The following TG variants were observed in gnomAD, a reference collection of about 807,000 sequenced individuals.
TG encodes thyroglobulin, also known as thyroid hormones.
A neutral mutation model predicts 324.7 loss-of-function variants in TG; 270 were observed. The observed-to-expected ratio is 0.83, with a 90% CI of 0.75 to 0.92. TG has a LOEUF of 0.92. Among genes scored for constraint, TG ranks in the 40% least tolerant of loss-of-function variants. The pLI is 0.00. For missense variants in TG, 3,591 were observed against 3,456.4 expected, an observed-to-expected ratio of 1.04 and a Z score of -0.98; for synonymous variants, 1,401 against 1,327.0, an observed-to-expected ratio of 1.06 and a Z score of -1.21.
At chr8:133,103,388 C>T (rs1380388135) in intron 43 of TG, among the ~76,000 whole-genome samples, 1 of 152,156 alleles carries the variant, frequency 6.6e-6, no homozygotes, top group African/African-American at 2.4e-5. Context: ...GCTATAGCCC[C>T]ACATTACCCC....
At chr8:132,903,387 G>A (rs1327768808) in intron 16 of TG, among the ~76,000 whole-genome samples, 1 of 152,224 alleles carries the variant, frequency 6.6e-6, no homozygotes, top group Non-Finnish European at 1.5e-5. Flanking sequence ...GGCCTGGCAG[G>A]CCACTCCTGC....
At chr8:133,131,327 TA>T (rs1382695069) in intron 45 of TG, among the ~76,000 whole-genome samples, 1 of 152,228 alleles carries the variant, frequency 6.6e-6, no homozygotes, top group African/African-American at 2.4e-5. Context: ...ATTTGCCAGG[TA>T]CTGTGCTGCG....
rs541360626 is a variant in TG, at chr8:133,100,288, G to A, written c.7572+3915G>A. 3.3e-5 allele frequency among the ~76,000 whole-genome samples: 5 copies of A among 152,288 alleles called. No individual in the cohort carries two copies. The East Asian group carries it at 9.6e-4, about 29-fold the overall frequency. On this transcript the variant is annotated intron_variant, in intron 43 of 47. Transcript: ENST00000220616. ...CTTGACCACTTGGATTCAGAGGGAA[G>A]CCATATCCCCAGCCTTCTCTATCCC...
intron 10 of TG, among the ~76,000 whole-genome samples, chr8:132,892,216 C>G (rs1388553957): frequency 6.6e-6 from 1 of 152,184 alleles, no homozygotes; most frequent in African/African-American, 2.4e-5. Flanking sequence ...CTTTTGATAT[C>G]CATCCATCCA....
intron 1 of TG, among the ~76,000 whole-genome samples, chr8:132,867,522 T>TG (rs1290941197): frequency 0.021 from 2,661 of 127,658 alleles, 79 homozygotes; most frequent in African/African-American, 0.072. Context: ...GCCAAGCTTC[T>TG]GTTTTTTTTT....
rs763921684 is a variant in TG, at chr8:132,941,524, C to T, written c.5215C>T (p.Leu1739Phe). 7 of 1,614,198 alleles carry T rather than the reference C, an allele frequency of 4.3e-6. No homozygotes were observed. In the South Asian group the frequency reaches 7.7e-5, roughly 18 times the overall value. The change falls in exon 26 of 48, where the codon CTC (leucine) becomes TTC (phenylalanine). Residue 1739 changes from leucine (L) to phenylalanine (F), a missense_variant. Leu to Phe is a conservative substitution (Grantham distance 22). Transcript: ENST00000220616. Reference sequence around the variant, plus strand: ...TGATCTGTGTTGCGATGGCTTCGTCCTCACACAGGTTCAAGGAGGTAATGT... The same window carrying T: ...TGATCTGTGTTGCGATGGCTTCGTCTTCACACAGGTTCAAGGAGGTAATGT... Reference protein sequence around the residue: ...DRDLCCDGFVLTQVQGGAIIC... With the variant: ...DRDLCCDGFVFTQVQGGAIIC...
chr8:132,972,569 GTTTTTTGTTT>G lies in TG; in HGVS notation c.6056-22_6056-13del. On this transcript the variant is annotated intron_variant, in intron 33 of 47. Coordinates refer to ENST00000220616, the MANE Select transcript of TG (RefSeq NM_003235.5). ...CATTGTACTCAGTTTCCTGATTGTGGTTTTTTGTTTTTTTTTTTTCCACCCCAGGAGGAGA... is the reference window on the plus strand; with the variant it reads ...CATTGTACTCAGTTTCCTGATTGTGGTTTTTTTTTCCACCCCAGGAGGAGA... 6.9e-7 allele frequency: 1 copy of G among 1,457,946 alleles called. No individual in the cohort carries two copies. The highest frequency in any genetic ancestry group is 9.4e-7 in the Non-Finnish European group (1 of 1,064,854). The allele number at this position is 1,457,946 out of a possible 1,614,324, so 90.3% of individuals were successfully genotyped here.
intron 26 of TG, 86 bp downstream of exon 26, chr8:132,941,628 C>T: frequency 6.6e-7 from 1 of 1,510,268 alleles, no homozygotes; most frequent in South Asian, 1.1e-5. Context: ...CATGGAGCTG[C>T]ATGGGGAGTA....
intron 42 of TG, 93 bp downstream of exon 42, chr8:133,095,301 C>A: frequency 6.4e-7 from 1 of 1,555,264 alleles, no homozygotes; most frequent in Non-Finnish European, 8.9e-7. Flanking sequence ...CCCACCCCAG[C>A]CATACCACAC....
chr8:133,083,916 C>T (rs1439984260), intron 41 of TG, among the ~76,000 whole-genome samples: 1 of 152,184 alleles, frequency 6.6e-6, no homozygotes, highest in Non-Finnish European at 1.5e-5. Flanking sequence ...GCTCCCCTCT[C>T]TCTGCATGGA....
At position 132,893,779 on chromosome 8, in the gene TG, T is replaced by G. The variant is rs896007569; in HGVS notation, c.2851T>G (p.Phe951Val). 5 of 1,613,882 alleles carry G rather than the reference T, an allele frequency of 3.1e-6. No individual in the cohort carries two copies. The African/African-American group carries it at 6.7e-5, about 22-fold the overall frequency. ...EIVSASNSSR[F>V]PLGESFLVAK... ...TGTTTCAGCTTCCAACAGTTCTCGG[T>G]TCCCTCTGGGGGAGAGTTTCCTGGT... Residue 951 changes from phenylalanine (F) to valine (V), a missense_variant, in exon 11 of 48, where the codon TTC becomes GTC. Phe to Val is a conservative substitution (Grantham distance 50). Transcript: ENST00000220616.
At chr8:133,102,210 C>T (rs182681865) in intron 43 of TG, among the ~76,000 whole-genome samples, 2 of 152,322 alleles carry the variant, frequency 1.3e-5, no homozygotes, top group African/African-American at 4.8e-5. Context: ...TCTGAACCAC[C>T]TCAGCTGACC....
At chr8:133,095,754 C>T (rs1357634597) in intron 42 of TG, among the ~76,000 whole-genome samples, 2 of 152,202 alleles carry the variant, frequency 1.3e-5, no homozygotes, top group African/African-American at 2.4e-5. Flanking sequence ...ATTGTCATGG[C>T]AATTGATGGC....
At chr8:132,877,586 G>A (rs774871836) in intron 5 of TG, among the ~76,000 whole-genome samples, 2 of 152,186 alleles carry the variant, frequency 1.3e-5, no homozygotes, top group Non-Finnish European at 1.5e-5. Context: ...CGTACTCTGC[G>A]AATGAACAAG....
chr8:132,957,828 T>G (rs1564002938), intron 27 of TG, among the ~76,000 whole-genome samples: 1 of 150,582 alleles, frequency 6.6e-6, no homozygotes, highest in Non-Finnish European at 1.5e-5. Context: ...GGTAAGGTGG[T>G]GTTTGGTTAC....
chr8:133,070,289 A>G (rs1843802830), intron 41 of TG, among the ~76,000 whole-genome samples: 1 of 152,194 alleles, frequency 6.6e-6, no homozygotes. Flanking sequence ...CCGCATCCAG[A>G]CACCACTGGA....
intron 43 of TG, among the ~76,000 whole-genome samples, chr8:133,097,346 T>G (rs1235875008): frequency 1.3e-5 from 2 of 152,246 alleles, no homozygotes; most frequent in Non-Finnish European, 2.9e-5. Context: ...ACAAGAGTAT[T>G]TATTGCATTG....
intron 41 of TG, among the ~76,000 whole-genome samples, chr8:133,090,571 C>T (rs1006243920): frequency 5.9e-5 from 9 of 152,194 alleles, no homozygotes; most frequent in African/African-American, 1.7e-4. Flanking sequence ...TAGGTTGTAA[C>T]GAGGAGTTTC....
Position 132,919,515 on chromosome 8 carries a change from C to G in TG, c.4518C>G (p.Ser1506Arg). Residue 1506 changes from serine (S) to arginine (R), a missense_variant, in exon 21 of 48, where the codon AGC (serine) becomes AGG (arginine). Physicochemically the swap from Ser to Arg is moderately radical, Grantham distance 110. Transcript: ENST00000220616. ...GRTTISAGAF[S>R]QTHCVTDCQR... The stretch of plus-strand genomic sequence containing the variant: ...CGACCATTTCTGCTGGAGCTTTCAG[C>G]CAGACTCACTGTAAGTTCTGTGGAG... 1 of 1,613,794 alleles carries G rather than the reference C, an allele frequency of 6.2e-7. No homozygotes were observed. Among genetic ancestry groups the G allele is most frequent in the South Asian group, 1.1e-5 (1 of 91,076 alleles).
Sources: allele counts gnomAD v4.1 joint callset (sites outside exome capture counted in the v4.1 genomes callset), GRCh38; gene constraint gnomAD v4.1.1; transcripts MANE v1.5; gene names NCBI Gene and HGNC (gene_info 2026-07-23, HGNC 2026-07-21).